CNGB1: variants seen among roughly 807,000 people sequenced by gnomAD.
CNGB1 encodes the protein cyclic nucleotide gated channel subunit beta 1.
Under a neutral mutation model 151.7 loss-of-function variants are expected in CNGB1, and 126 were observed. That is an observed-to-expected ratio of 0.83 (90% CI 0.72 to 0.96). CNGB1 has a LOEUF of 0.96. CNGB1 is among the 40% of genes least tolerant of loss of function. CNGB1 has a pLI of 0.00. For missense variants in CNGB1, 1,698 were observed against 1,627.0 expected, an observed-to-expected ratio of 1.04 and a Z score of -0.75; for synonymous variants, 623 against 635.1, an observed-to-expected ratio of 0.98 and a Z score of 0.29.
intron 21 of CNGB1, 93 bp from the exon 22 acceptor site, chr16:57,916,272 C>G: frequency 7.8e-7 from 1 of 1,279,740 alleles, no homozygotes. Flanking sequence ...GAACCCCACC[C>G]TGAAACGAGC....
At chr16:57,912,376 C>A (rs1332208440) in intron 24 of CNGB1, among the ~76,000 whole-genome samples, 1 of 152,196 alleles carries the variant, frequency 6.6e-6, no homozygotes, top group East Asian at 1.9e-4. Flanking sequence ...TGCTGGTAAG[C>A]CCCTCGTGCC....
intron 18 of CNGB1, chr16:57,923,004 G>A (rs1338494533): frequency 2.7e-6 from 1 of 365,222 alleles, no homozygotes; most frequent in African/African-American, 2.1e-5. Flanking sequence ...TCCTTCACAA[G>A]GGGACCTCTG....
Position 57,960,034 on chromosome 16 carries a change from G to T in CNGB1, c.615C>A (p.Pro205=). The T allele has an allele frequency of 6.4e-7, 1 of 1,568,200 alleles. No individual in the cohort carries two copies. Residue 205 remains proline, a synonymous_variant, in exon 10 of 33, where the codon CCC becomes CCA. Transcript: ENST00000251102. ...AGGGGGTCTCCCGGGCCTGCAGCTT[G>T]GGCCCCATTTCCTGGGGGCGTCCTG... is the stretch of plus-strand genomic sequence containing the variant. ...APPGRPQEMG[P]KLQARETPSL...
intron 1 of CNGB1, among the ~76,000 whole-genome samples, chr16:57,969,004 C>CA (rs1051753232): frequency 3.4e-5 from 5 of 148,700 alleles, no homozygotes; most frequent in African/African-American, 1.2e-4. Flanking sequence ...GATCCTGTCT[C>CA]AAAAAAAGAA....
At chr16:57,935,650 C>G (rs533688209) in intron 16 of CNGB1, among the ~76,000 whole-genome samples, 6 of 151,824 alleles carry the variant, frequency 4.0e-5, no homozygotes, top group Middle Eastern at 6.8e-3. Context: ...TCCGTCCCCC[C>G]CCAAAAAAAA....
In CNGB1 at chr16:57,883,024, C is replaced by T. The variant is rs1320136011; in HGVS notation, c.*1140G>A. The T allele has an allele frequency of 6.6e-6, 1 of 152,198 alleles. No individual in the cohort carries two copies. Among genetic ancestry groups the T allele is most frequent in the Non-Finnish European group, 1.5e-5 (1 of 68,046 alleles). The allele number at this position is 152,198 out of a possible 1,614,324, so 9.4% of individuals were successfully genotyped here. A position where few individuals can be genotyped will look rare whatever the true frequency, so the allele number is the denominator to read the frequency against. ...CAGAGGATGCTCCTACCGGGCTGTT[C>T]CTCCTGGCAGAGGCAGAAACGCTAG... On this transcript the variant is annotated 3_prime_UTR_variant, in exon 33 of 33. Coordinates refer to ENST00000251102, the MANE Select transcript of CNGB1 (RefSeq NM_001297.5).
At position 57,940,255 on chromosome 16, in the gene CNGB1, C is replaced by T. The variant is rs1961630625; in HGVS notation, c.1188G>A (p.Arg396=). 2 of 1,573,150 alleles carry T rather than the reference C, an allele frequency of 1.3e-6. No individual in the cohort carries two copies. The highest frequency in any genetic ancestry group is 1.7e-6 in the Non-Finnish European group (2 of 1,159,312). The part of the protein sequence containing the change: ...GVGQSEEDGT[R]PQSTSDQKLW... ...ATACCTGATCTGAAGTGCTCTGGGGCCGGGTCCCGTCTTCTTCACTCTGGC... is the reference window on the plus strand; with the variant it reads ...ATACCTGATCTGAAGTGCTCTGGGGTCGGGTCCCGTCTTCTTCACTCTGGC... The change falls in exon 15 of 33, where the codon CGG becomes CGA. Residue 396 remains arginine (R), a synonymous_variant. Coordinates refer to ENST00000251102, the MANE Select transcript of CNGB1 (RefSeq NM_001297.5).
intron 27 of CNGB1, 28 bp downstream of exon 27, chr16:57,903,794 G>C (rs2055462944): frequency 2.5e-6 from 4 of 1,613,480 alleles, no homozygotes; most frequent in Non-Finnish European, 3.4e-6. Flanking sequence ...ACTGGGAGCT[G>C]GTGGCTGCCA....
chr16:57,897,301 C>CAAA (rs397944283), intron 31 of CNGB1, 96 bp downstream of exon 31: 203 of 1,053,688 alleles, frequency 1.9e-4, no homozygotes, highest in South Asian at 7.3e-4. Flanking sequence ...GATGTCATCT[C>CAAA]AAAAAAAAAA....
chr16:57,908,764 C>T (rs1231254267), intron 25 of CNGB1, among the ~76,000 whole-genome samples: 2 of 152,220 alleles, frequency 1.3e-5, no homozygotes, highest in African/African-American at 4.8e-5. Context: ...GCGCATCCCT[C>T]CTGCCCACAC....
chr16:57,938,559 G>A (rs1249087297), intron 16 of CNGB1, among the ~76,000 whole-genome samples: 1 of 152,184 alleles, frequency 6.6e-6, no homozygotes, highest in South Asian at 2.1e-4. Flanking sequence ...GGAAGTCATG[G>A]TTCAGACAGG....
chr16:57,944,289 C>T (rs1432552680), intron 14 of CNGB1, among the ~76,000 whole-genome samples: 8 of 152,152 alleles, frequency 5.3e-5, no homozygotes, highest in Admixed American at 5.2e-4. Flanking sequence ...CACAGAAAGA[C>T]ACATACCATA....
intron 14 of CNGB1, among the ~76,000 whole-genome samples, chr16:57,940,668 A>G (rs1351838442): frequency 6.6e-6 from 1 of 152,158 alleles, no homozygotes; most frequent in Non-Finnish European, 1.5e-5. Context: ...TGTGCGAGAA[A>G]TGCATGGAGG....
chr16:57,944,951 T>C (rs1384789280), intron 14 of CNGB1, among the ~76,000 whole-genome samples: 4 of 104,380 alleles, frequency 3.8e-5, no homozygotes, highest in Non-Finnish European at 5.6e-5. Flanking sequence ...ACTCTGTCTT[T>C]AAAAAAAAAA....
intron 16 of CNGB1, among the ~76,000 whole-genome samples, chr16:57,935,045 CAAAA>C (rs559447701): frequency 8.8e-6 from 1 of 113,548 alleles, no homozygotes; most frequent in Non-Finnish European, 1.9e-5. Context: ...GACTCCATCT[CAAAA>C]AAAAAAAAAA....
Position 57,917,325 on chromosome 16 carries a change from G to A in CNGB1, c.2109C>T (p.Phe703=). The change falls in exon 21 of 33, where the codon TTC becomes TTT. Residue 703 remains phenylalanine (F), a synonymous_variant. Transcript: ENST00000251102. ...LMDYLCDLIY[F]LDITVFQTRL... ...GTGTCTGGAACACGGTGATGTCCAG[G>A]AAGTAGATGAGGTCGCATAGGTAAT... The A allele has an allele frequency of 6.2e-7, 1 of 1,614,152 alleles. No homozygotes were observed. The highest frequency in any genetic ancestry group is 8.5e-7 in the Non-Finnish European group (1 of 1,180,034).
chr16:57,901,125 A>G lies in CNGB1; in HGVS notation c.2976+227T>C, dbSNP rs539283593. On this transcript the variant is annotated intron_variant, in intron 29 of 32. Coordinates refer to ENST00000251102, the MANE Select transcript of CNGB1 (RefSeq NM_001297.5). ...AATGGAGCTGAGAAAATGCTTTGCA[A>G]AGCCCGAGGCACATGTGTGTTGACT... Among the ~76,000 whole-genome samples, 199 of 152,286 alleles carry G rather than the reference A, an allele frequency of 1.3e-3. 2 individuals carry two copies. The highest frequency in any genetic ancestry group is 5.3e-4 in the Non-Finnish European group (36 of 68,018).
chr16:57,917,748 G>A (rs756484243), intron 20 of CNGB1, among the ~76,000 whole-genome samples: 79 of 151,250 alleles, frequency 5.2e-4, no homozygotes, highest in Non-Finnish European at 9.3e-4. Flanking sequence ...GATTGCTTGA[G>A]CCCAGGAGTT....
intron 25 of CNGB1, among the ~76,000 whole-genome samples, chr16:57,907,159 C>T (rs1426784613): frequency 2.0e-5 from 3 of 152,164 alleles, no homozygotes; most frequent in East Asian, 1.9e-4. Flanking sequence ...GAGCTCCTCC[C>T]GCAGAGGGCC....
Sources: gnomAD v4.1 joint callset for allele counts (sites outside exome capture counted in the v4.1 genomes callset) on GRCh38, gnomAD v4.1.1 for gene constraint, MANE v1.5 for transcripts, NCBI Gene and HGNC (gene_info 2026-07-23, HGNC 2026-07-21) for gene names.